The following SLC2A8 variants were observed in gnomAD, a reference collection of about 807,000 sequenced individuals.
SLC2A8 encodes the protein solute carrier family 2 member 8.
Under a neutral mutation model 49.2 loss-of-function variants are expected in SLC2A8, and 53 were observed. That is an observed-to-expected ratio of 1.08 (90% CI 0.86 to 1.35). The LOEUF is 1.35. Ranked by LOEUF, SLC2A8 falls within the 40% of genes most tolerant of loss-of-function variation. The probability of loss-of-function intolerance (pLI) is 0.00; values close to 1 mark genes in which losing one functional copy is unlikely to be tolerated. For missense variants in SLC2A8, 688 were observed against 671.7 expected (o/e 1.02, Z -0.27); for synonymous variants, 299 against 297.0 (o/e 1.01, Z -0.07).
chr9:127,398,908 C>G (rs1354341596), intron 3 of SLC2A8, among the ~76,000 whole-genome samples: 1 of 152,190 alleles, frequency 6.6e-6, no homozygotes, highest in African/African-American at 2.4e-5. Context: ...TTGAAAGCAG[C>G]CACTCAGGCC....
rs751673397 is a variant in SLC2A8 at position 127,407,242 on chromosome 9, G to A, written c.1427G>A (p.Gly476Glu). The change falls in exon 10 of 10, where the codon GGG becomes GAG. Residue 476 changes from glycine to glutamate, a missense_variant. Transcript: ENST00000373371. Reference protein sequence around the residue: ...TLEQITAHFEGR With the variant: ...TLEQITAHFEER ...GAACAAATCACAGCCCATTTTGAGGGGCGATGACAGCCACTCACTAGGGGA... is the reference window on the plus strand; with the variant it reads ...GAACAAATCACAGCCCATTTTGAGGAGCGATGACAGCCACTCACTAGGGGA... 1.7e-5 allele frequency: 27 copies of A among 1,612,914 alleles called. No homozygotes were observed. The Admixed American group carries it at 1.8e-4, about 11-fold the overall frequency.
chr9:127,400,164 G>GTTTTTTTTTTTTT (rs1564214930), intron 4 of SLC2A8, among the ~76,000 whole-genome samples, 158 bp downstream of exon 4: 11 of 113,948 alleles, frequency 9.7e-5, no homozygotes, highest in African/African-American at 2.6e-4. Context: ...GGATAGGTGA[G>GTTTTTTTTTTTTT]TCTTTTTTTT....
At position 127,397,211 on chromosome 9, in the gene SLC2A8, G is replaced by A. The variant is rs1833051640; in HGVS notation, c.-20G>A. 1.4e-6 allele frequency: 2 copies of A among 1,454,346 alleles called. No individual in the cohort carries two copies. Among genetic ancestry groups the A allele is most frequent in the South Asian group, 1.3e-5 (1 of 74,898 alleles). The allele number at this position is 1,454,346 out of a possible 1,614,324, so 90.1% of individuals were successfully genotyped here. On this transcript the variant is annotated 5_prime_UTR_variant, in exon 1 of 10. Transcript: ENST00000373371. The stretch of plus-strand genomic sequence containing the variant: ...GGCGGTTCAGGCGCCAGAGCTGGCC[G>A]ATCGGCGTTGGCCGCCGACATGACG...
chr9:127,397,425 G>A lies in SLC2A8; in HGVS notation c.106G>A (p.Gly36Ser), dbSNP rs1158016665. The A allele has an allele frequency of 6.7e-7, 1 of 1,486,540 alleles. No homozygotes were observed. The highest frequency in any genetic ancestry group is 1.3e-5 in the South Asian group (1 of 78,966). 92.1% of individuals were successfully genotyped at this position (1,486,540 alleles called of 1,614,324 possible). Residue 36 changes from glycine to serine, a missense_variant, in exon 2 of 10, where the codon GGC becomes AGC. Transcript: ENST00000373371. ...VFLAAFAAAL[G>S]PLSFGFALGY... ...CCTCGCCGCCTTCGCCGCTGCCCTG[G>A]GCCCACTCAGCTTCGGCTTCGCGCT...
chr9:127,400,253 G>A (rs547906562), intron 4 of SLC2A8, among the ~76,000 whole-genome samples: 55 of 149,806 alleles, frequency 3.7e-4, no homozygotes, highest in African/African-American at 1.3e-3. Context: ...TGCCTCCTGG[G>A]TTCAAGCGAT....
chr9:127,404,253 C>T (rs1242785057), intron 7 of SLC2A8, 186 bp downstream of exon 7: 1 of 558,176 alleles, frequency 1.8e-6, no homozygotes, highest in Non-Finnish European at 3.2e-6. Context: ...GTGGCACTCC[C>T]ACACCACGCC....
At chr9:127,400,122 C>T in intron 4 of SLC2A8, 116 bp downstream of exon 4, 1 of 771,248 alleles carries the variant, frequency 1.3e-6, no homozygotes. Flanking sequence ...AGCCAGTGCC[C>T]AACATGCCAG....
chr9:127,400,062 A>C, intron 4 of SLC2A8, 56 bp downstream of exon 4: 1 of 1,472,676 alleles, frequency 6.8e-7, no homozygotes. Context: ...CATTTTACAG[A>C]TGTGTAAACA....
chr9:127,402,758 G>T lies in SLC2A8; in HGVS notation c.723+5G>T. The T allele has an allele frequency of 6.5e-7, 1 of 1,532,130 alleles. No homozygotes were observed. The allele number at this position is 1,532,130 out of a possible 1,614,324, so 94.9% of individuals were successfully genotyped here. A position where few individuals can be genotyped will look rare whatever the true frequency, so the allele number is the denominator to read the frequency against. ...CCCCCCATCGGGGCTGAGCAGGTGA[G>T]AGGCTGGAAGGCAGAGCTGACAGGA... On this transcript the variant is annotated splice_donor_5th_base_variant and intron_variant, in intron 5 of 9. Coordinates refer to ENST00000373371, the MANE Select transcript of SLC2A8 (RefSeq NM_014580.5).
chr9:127,405,550 G>A lies in SLC2A8; in HGVS notation c.1281G>A (p.Glu427=). The stretch of plus-strand genomic sequence containing the variant: ...TCATGGCCTTTCTCGTGACCAAGGA[G>A]TTCAGCAGCCTCATGGTGAGGGCAG... ...NWLMAFLVTK[E]FSSLMEVLRP... is the part of the protein sequence containing the mutation. Residue 427 remains glutamate (E), a synonymous_variant, in exon 9 of 10, where the codon GAG becomes GAA. Coordinates refer to ENST00000373371, the MANE Select transcript of SLC2A8 (RefSeq NM_014580.5). 5 of 1,613,194 alleles carry A rather than the reference G, an allele frequency of 3.1e-6. No homozygotes were observed. The highest frequency in any genetic ancestry group is 4.2e-6 in the Non-Finnish European group (5 of 1,179,990).
chr9:127,402,674 G>A lies in SLC2A8; in HGVS notation c.644G>A (p.Arg215His), dbSNP rs753957668. The A allele has an allele frequency of 1.1e-5, 17 of 1,576,934 alleles. No homozygotes were observed. The highest frequency in any genetic ancestry group is 3.8e-4 in the Middle Eastern group (2 of 5,302). Residue 215 changes from arginine (R) to histidine (H), a missense_variant, in exon 5 of 10, where the codon CGC (arginine) becomes CAC (histidine). Transcript: ENST00000373371. ...TPRFLLTQHR[R>H]QEAMAALRFL... is the part of the protein sequence containing the mutation. ...CGCTTCCTGCTGACTCAGCACAGGC[G>A]CCAGGAGGCCATGGCCGCCCTGCGG...
In SLC2A8 at chr9:127,403,880, C is replaced by T. The variant is rs545603454; in HGVS notation, c.867+77C>T. Reference sequence around the variant, plus strand: ...TTCCTCCCCAAGCCCAGGGCCCAGCCATCCAGCACAGGCCTGGAGAGGGAG... The same window carrying T: ...TTCCTCCCCAAGCCCAGGGCCCAGCTATCCAGCACAGGCCTGGAGAGGGAG... On this transcript the variant is annotated intron_variant, in intron 6 of 9. Coordinates refer to ENST00000373371, the MANE Select transcript of SLC2A8 (RefSeq NM_014580.5). The T allele has an allele frequency of 2.3e-4, 363 of 1,598,108 alleles. 1 individual carries two copies. The African/African-American group carries it at 4.7e-3, about 21-fold the overall frequency.
intron 4 of SLC2A8, 49 bp from the exon 5 acceptor site, chr9:127,402,507 GC>G: frequency 6.9e-7 from 1 of 1,455,522 alleles, no homozygotes; most frequent in Non-Finnish European, 9.0e-7. Flanking sequence ...CAAGGCCCAG[GC>G]TGGCTCACCC....
intron 4 of SLC2A8, among the ~76,000 whole-genome samples, chr9:127,400,993 G>T (rs550822823): frequency 2.0e-5 from 3 of 152,220 alleles, no homozygotes; most frequent in Admixed American, 1.3e-4. Flanking sequence ...TACCTGGGGG[G>T]CTGAGGCACA....
Position 127,399,342 on chromosome 9 carries a change from G to A in SLC2A8, c.427-565G>A, listed in dbSNP as rs1243089751. Among the ~76,000 whole-genome samples the A allele has an allele frequency of 6.6e-6, 1 of 152,144 alleles. No individual in the cohort carries two copies. On this transcript the variant is annotated intron_variant, in intron 3 of 9. Coordinates refer to ENST00000373371, the MANE Select transcript of SLC2A8 (RefSeq NM_014580.5). This position sits in a 1 kb window ranked among gnomAD's most constrained non-coding sequence, Gnocchi z 4.2. Reference sequence around the variant, plus strand: ...AGGCTTGAGAAGCTCTGTGCCCACCGCCTCTCGTCATCATATGCAGCCCTC... The same window carrying A: ...AGGCTTGAGAAGCTCTGTGCCCACCACCTCTCGTCATCATATGCAGCCCTC...
chr9:127,404,218 A>T, intron 7 of SLC2A8, 151 bp downstream of exon 7: 1 of 613,272 alleles, frequency 1.6e-6, no homozygotes. Flanking sequence ...GTCACCAAGC[A>T]CTCACTGCAG....
In SLC2A8 at chr9:127,407,720, C is replaced by T; in HGVS notation, c.*471C>T. 3.7e-6 allele frequency: 1 copy of T among 269,370 alleles called. No individual in the cohort carries two copies. Among genetic ancestry groups the T allele is most frequent in the South Asian group, 3.8e-5 (1 of 26,368 alleles). 16.7% of individuals were successfully genotyped at this position (269,370 alleles called of 1,614,324 possible). A position where few individuals can be genotyped will look rare whatever the true frequency, so the allele number is the denominator to read the frequency against. ...GCTCAGTTTGAAAAGGGTTTATTCC[C>T]ATCACTGCCCAGGACACCCTGTGGC... On this transcript the variant is annotated 3_prime_UTR_variant, in exon 10 of 10. Coordinates refer to ENST00000373371, the MANE Select transcript of SLC2A8 (RefSeq NM_014580.5).
chr9:127,397,925 C>A lies in SLC2A8; in HGVS notation c.240C>A (p.Ala80=). 6.5e-7 allele frequency: 1 copy of A among 1,529,700 alleles called. No homozygotes were observed. Among genetic ancestry groups the A allele is most frequent in the Non-Finnish European group, 8.7e-7 (1 of 1,144,554 alleles). 94.8% of individuals were successfully genotyped at this position (1,529,700 alleles called of 1,614,324 possible). Reference sequence around the variant, plus strand: ...TCCAGGCTGTCGTGACCCTGGGTGCCGCGGCGGGGGGAGTGCTGGGCGGCT... The same window carrying A: ...TCCAGGCTGTCGTGACCCTGGGTGCAGCGGCGGGGGGAGTGCTGGGCGGCT... ...SWFGAVVTLG[A]AAGGVLGGWL... The change falls in exon 3 of 10, where the codon GCC becomes GCA. Residue 80 remains alanine (A), a synonymous_variant. Transcript: ENST00000373371.
At chr9:127,401,049 C>T (rs978167831) in intron 4 of SLC2A8, among the ~76,000 whole-genome samples, 2 of 152,120 alleles carry the variant, frequency 1.3e-5, no homozygotes, top group South Asian at 4.1e-4. Flanking sequence ...GAGCTGAGAT[C>T]GCGCCACTGC....
Sources: allele counts gnomAD v4.1 joint callset (sites outside exome capture counted in the v4.1 genomes callset), GRCh38; gene constraint gnomAD v4.1.1; non-coding constraint Gnocchi (gnomAD v3.1); transcripts MANE v1.5; gene names NCBI Gene and HGNC (gene_info 2026-07-23, HGNC 2026-07-21).